The following SLC4A4 variants were observed in gnomAD, a reference collection of about 807,000 sequenced individuals.
SLC4A4 encodes solute carrier family 4 member 4, also known as electrogenic sodium bicarbonate cotransporter 1.
A neutral mutation model predicts 111.5 loss-of-function variants in SLC4A4; 27 were observed. The observed-to-expected ratio is 0.24, with a 90% CI of 0.18 to 0.33. The LOEUF is 0.33. Among genes scored for constraint, SLC4A4 ranks in the 10% least tolerant of loss-of-function variants. The probability of loss-of-function intolerance (pLI) is 1.00; values close to 1 mark genes in which losing one functional copy is unlikely to be tolerated. For missense variants in SLC4A4, 909 were observed against 1,315.5 expected (o/e 0.69, Z 4.78); for synonymous variants, 443 against 463.4 (o/e 0.96, Z 0.57).
At chr4:71,191,401 G>A (rs769074976) in intron 1 of SLC4A4, among the ~76,000 whole-genome samples, 1 of 152,200 alleles carries the variant, frequency 6.6e-6, no homozygotes, top group Non-Finnish European at 1.5e-5. Context: ...AGATGAAGAG[G>A]AAACTATGAC....
chr4:71,170,849 A>C (rs1744914483), intron 2 of SLC4A4, among the ~76,000 whole-genome samples: 2 of 152,266 alleles, frequency 1.3e-5, no homozygotes, highest in South Asian at 4.1e-4. Context: ...GATTAGGCCA[A>C]CATTTAAATT....
chr4:71,275,959 C>T (rs976902679), intron 3 of SLC4A4, among the ~76,000 whole-genome samples: 4 of 152,294 alleles, frequency 2.6e-5, no homozygotes, highest in Non-Finnish European at 4.4e-5. Flanking sequence ...GCCAGGCTCT[C>T]CTGAAACGAA....
intron 3 of SLC4A4, among the ~76,000 whole-genome samples, chr4:71,320,385 C>T (rs1207947227): frequency 6.6e-6 from 1 of 151,920 alleles, no homozygotes; most frequent in Non-Finnish European, 1.5e-5. Flanking sequence ...GCACTGTGGC[C>T]TCCTCTTGTG....
intron 15 of SLC4A4, among the ~76,000 whole-genome samples, chr4:71,489,663 C>T (rs1025253361): frequency 2.0e-5 from 3 of 151,726 alleles, no homozygotes; most frequent in African/African-American, 7.3e-5. Flanking sequence ...GAGGCTATTG[C>T]GTCCTCCGTC....
chr4:71,172,853 G>C (rs556557287), intron 2 of SLC4A4, among the ~76,000 whole-genome samples: 1 of 152,120 alleles, frequency 6.6e-6, no homozygotes, highest in Non-Finnish European at 1.5e-5. Flanking sequence ...AAAAGCTAAA[G>C]TCACAGTATC....
intron 2 of SLC4A4, among the ~76,000 whole-genome samples, chr4:71,175,906 A>C (rs1419043332): frequency 6.6e-6 from 1 of 152,100 alleles, no homozygotes; most frequent in South Asian, 2.1e-4. Context: ...CCCCCGAGTA[A>C]CCTAACTGGG....
chr4:71,201,353 G>GGT (rs943431238), intron 1 of SLC4A4, among the ~76,000 whole-genome samples: 6 of 152,106 alleles, frequency 3.9e-5, no homozygotes, highest in Non-Finnish European at 7.4e-5. Flanking sequence ...TCTGGAGAGG[G>GGT]GTGTGACCTT....
At chr4:71,249,655 G>T (rs548242061) in intron 2 of SLC4A4, among the ~76,000 whole-genome samples, 5 of 152,056 alleles carry the variant, frequency 3.3e-5, no homozygotes. Context: ...TTGGGAGGCC[G>T]AAGTGAGTGG....
At chr4:71,550,225 C>G (rs1328374012) in intron 20 of SLC4A4, among the ~76,000 whole-genome samples, 1 of 151,884 alleles carries the variant, frequency 6.6e-6, no homozygotes, top group Non-Finnish European at 1.5e-5. Context: ...TTAAAAACAA[C>G]AAGAATAAAA....
intron 6 of SLC4A4, among the ~76,000 whole-genome samples, chr4:71,383,471 C>A (rs1718351138): frequency 6.6e-6 from 1 of 152,162 alleles, no homozygotes; most frequent in African/African-American, 2.4e-5. Flanking sequence ...AAGATTTCAA[C>A]CCCCACCTCA....
rs528457386 is a variant in SLC4A4 at position 71,088,295 on chromosome 4, T to A, written c.-64-4435T>A. On this transcript the variant is annotated intron_variant, in intron 1 of 26. Coordinates refer to the SLC4A4 transcript ENST00000649996. ...CATCCCTTTATTTTGAGCCTATGTG[T>A]GTCTCTGCACCTGAGGTGGGTTTCC... Among the ~76,000 whole-genome samples the A allele has an allele frequency of 1.6e-4, 24 of 152,000 alleles. No homozygotes were observed. The South Asian group carries it at 5.0e-3, about 32-fold the overall frequency.
chr4:71,152,967 A>G (rs963272388), intron 2 of SLC4A4, among the ~76,000 whole-genome samples: 18 of 140,862 alleles, frequency 1.3e-4, no homozygotes, highest in African/African-American at 1.6e-4. Context: ...GTGTGTGTGT[A>G]TATATATGTA....
intron 1 of SLC4A4, among the ~76,000 whole-genome samples, chr4:71,204,418 G>A (rs542558698): frequency 1.3e-5 from 2 of 152,272 alleles, no homozygotes; most frequent in South Asian, 4.1e-4. Flanking sequence ...CATTTTAAAT[G>A]ATGTCCTGGT....
chr4:71,395,333 G>T (rs746768229), intron 6 of SLC4A4, among the ~76,000 whole-genome samples: 2 of 152,164 alleles, frequency 1.3e-5, no homozygotes, highest in Non-Finnish European at 2.9e-5. Flanking sequence ...GACTCTTGCA[G>T]TGTTAAACAT....
At chr4:71,212,434 G>A (rs954179569) in intron 1 of SLC4A4, among the ~76,000 whole-genome samples, 1 of 152,228 alleles carries the variant, frequency 6.6e-6, no homozygotes, top group Non-Finnish European at 1.5e-5. Context: ...TGGGCAGAAG[G>A]TGGGGGTTGC....
chr4:71,415,839 T>C (rs1475691172), intron 7 of SLC4A4, among the ~76,000 whole-genome samples: 1 of 152,104 alleles, frequency 6.6e-6, no homozygotes, highest in Non-Finnish European at 1.5e-5. Context: ...CAGGGCCCCA[T>C]AGTGTTCCTC....
chr4:71,176,800 C>T (rs1211587212), intron 2 of SLC4A4, among the ~76,000 whole-genome samples: 1 of 152,076 alleles, frequency 6.6e-6, no homozygotes, highest in Non-Finnish European at 1.5e-5. Flanking sequence ...CAAGGCAGGC[C>T]AACATTCAAA....
chr4:71,340,505 A>G (rs1315004536), intron 4 of SLC4A4, among the ~76,000 whole-genome samples: 1 of 152,236 alleles, frequency 6.6e-6, no homozygotes, highest in East Asian at 1.9e-4. Flanking sequence ...AAAAAAACAT[A>G]GTATACATAG....
At chr4:71,155,727 G>A (rs1744440476) in intron 2 of SLC4A4, among the ~76,000 whole-genome samples, 1 of 152,090 alleles carries the variant, frequency 6.6e-6, no homozygotes, top group Non-Finnish European at 1.5e-5. Context: ...GCCTCCTAAA[G>A]AGCTGGGATT....
Sources: allele counts gnomAD v4.1 joint callset (sites outside exome capture counted in the v4.1 genomes callset), GRCh38; gene constraint gnomAD v4.1.1; transcripts MANE v1.5; gene names NCBI Gene and HGNC (gene_info 2026-07-23, HGNC 2026-07-21).